The following THSD4 variants were observed in gnomAD, a reference collection of about 807,000 sequenced individuals.
The protein encoded by THSD4 is thrombospondin type 1 domain containing 4, also known as thrombospondin type-1 domain-containing protein 4.
THSD4 carries 69 observed loss-of-function variants against 119.0 expected under a neutral mutation model. That is an observed-to-expected ratio of 0.58 (90% CI 0.48 to 0.71). The LOEUF (loss-of-function observed/expected upper bound fraction) is 0.71, where lower values mean the gene tolerates loss of function less well. Ranked by LOEUF, THSD4 falls within the 30% of genes least tolerant of loss-of-function variation. The probability of loss-of-function intolerance (pLI) is 0.00; values close to 1 mark genes in which losing one functional copy is unlikely to be tolerated. For synonymous variants in THSD4, 524 were observed against 540.4 expected (o/e 0.97, Z 0.42); for missense variants, 1,393 against 1,391.1 (o/e 1.00, Z -0.02).
At chr15:71,174,344 A>T (rs1277609872) in intron 3 of THSD4, among the ~76,000 whole-genome samples, 2 of 151,834 alleles carry the variant, frequency 1.3e-5, no homozygotes, top group African/African-American at 4.8e-5. Context: ...GGGGTCAGGG[A>T]GTTCCCTTTC....
chr15:71,384,162 G>A (rs888447003), intron 6 of THSD4, among the ~76,000 whole-genome samples: 10 of 152,156 alleles, frequency 6.6e-5, no homozygotes, highest in Non-Finnish European at 1.3e-4. Context: ...GGCGGATCAC[G>A]ATGTCAGGAG....
At chr15:71,435,518 C>G (rs1301230151) in intron 7 of THSD4, among the ~76,000 whole-genome samples, 1 of 152,174 alleles carries the variant, frequency 6.6e-6, no homozygotes, top group East Asian at 1.9e-4. Context: ...ATAAGTGACT[C>G]AAGCCAAAAA....
intron 7 of THSD4, among the ~76,000 whole-genome samples, chr15:71,481,500 A>G (rs771003337): frequency 6.6e-6 from 1 of 152,234 alleles, no homozygotes; most frequent in African/African-American, 2.4e-5. Context: ...GAATTCCAGC[A>G]GGCAGTGGTA....
At chr15:71,438,890 C>T (rs1209584731) in intron 7 of THSD4, among the ~76,000 whole-genome samples, 1 of 152,172 alleles carries the variant, frequency 6.6e-6, no homozygotes, top group African/African-American at 2.4e-5. Context: ...CTTAACAAGA[C>T]TTCCTGTTTA....
intron 6 of THSD4, among the ~76,000 whole-genome samples, chr15:71,305,066 G>A (rs1217543347): frequency 6.6e-6 from 1 of 152,194 alleles, no homozygotes; most frequent in African/African-American, 2.4e-5. Flanking sequence ...TGAAAAGTGG[G>A]TACGTTTTCT....
chr15:71,520,027 A>T lies in THSD4; in HGVS notation c.1152+108204A>T, dbSNP rs369873298. On this transcript the variant is annotated intron_variant, in intron 7 of 17. Transcript: ENST00000261862. ...ATTGAACATGTACTGTCTGTCTAGC[A>T]GGATTCTAAGTGCTTTTCCTGCAAT... Among the ~76,000 whole-genome samples the T allele has an allele frequency of 5.3e-5, 8 of 152,222 alleles. No homozygotes were observed. In the East Asian group the frequency reaches 9.6e-4, roughly 18 times the overall value.
intron 7 of THSD4, chr15:71,549,468 A>G (rs1320272169): frequency 6.6e-6 from 1 of 152,220 alleles, no homozygotes; most frequent in African/African-American, 2.4e-5. Flanking sequence ...TGGAAATGAA[A>G]TGATGAGGAA....
intron 3 of THSD4, among the ~76,000 whole-genome samples, chr15:71,174,207 G>T (rs1254681141): frequency 6.6e-6 from 1 of 152,158 alleles, no homozygotes. Context: ...CGCAGAAGAC[G>T]GGTGATTTCT....
chr15:71,679,058 T>C (rs565591421), intron 8 of THSD4, among the ~76,000 whole-genome samples: 1 of 152,326 alleles, frequency 6.6e-6, no homozygotes, highest in East Asian at 1.9e-4. Flanking sequence ...TGCAAGATAA[T>C]TAAACATTTC....
intron 7 of THSD4, among the ~76,000 whole-genome samples, chr15:71,516,022 G>A (rs1204051559): frequency 6.6e-6 from 1 of 152,070 alleles, no homozygotes; most frequent in African/African-American, 2.4e-5. Flanking sequence ...ACTTATCCTG[G>A]GCATGCCAAG....
chr15:71,656,310 G>C (rs190172753), intron 7 of THSD4, among the ~76,000 whole-genome samples: 1 of 152,008 alleles, frequency 6.6e-6, no homozygotes, highest in African/African-American at 2.4e-5. Flanking sequence ...GGAAAGCTGG[G>C]TGAAAGACCA....
chr15:71,446,933 G>C (rs1421129879), intron 7 of THSD4, among the ~76,000 whole-genome samples: 1 of 152,052 alleles, frequency 6.6e-6, no homozygotes, highest in Non-Finnish European at 1.5e-5. Context: ...AGTGAAAACT[G>C]AGTCTCATGC....
intron 6 of THSD4, among the ~76,000 whole-genome samples, chr15:71,261,050 C>A (rs903361007): frequency 8.5e-5 from 13 of 152,134 alleles, no homozygotes; most frequent in African/African-American, 3.1e-4. Flanking sequence ...TGCGGTGAGC[C>A]GAGATGGCAC....
chr15:71,653,377 G>A (rs2051129937), intron 7 of THSD4, among the ~76,000 whole-genome samples: 1 of 152,206 alleles, frequency 6.6e-6, no homozygotes, highest in Non-Finnish European at 1.5e-5. Flanking sequence ...GCTCCTCGGT[G>A]TCCCATGAGC....
rs67271025 is a variant in THSD4 at position 71,591,005 on chromosome 15, C to CAA, written c.1153-69494_1153-69493dup. 3.6e-3 allele frequency among the ~76,000 whole-genome samples: 206 copies of CAA among 57,508 alleles called. 7 individuals are homozygous for CAA. Among genetic ancestry groups the CAA allele is most frequent in the African/African-American group, 0.011 (156 of 14,658 alleles). The allele number at this position is 57,508 out of a possible 152,430, so 37.7% of individuals were successfully genotyped here. On this transcript the variant is annotated intron_variant, in intron 7 of 17. Coordinates refer to ENST00000261862, the MANE Select transcript of THSD4 (RefSeq NM_024817.3). ...TGGGCGACAGAGCAAGACTCCATCT[C>CAA]AAAAAAAAAAAAAAAAAAAAAAAAA...
At chr15:71,620,378 A>G (rs1263534413) in intron 7 of THSD4, among the ~76,000 whole-genome samples, 1 of 152,080 alleles carries the variant, frequency 6.6e-6, no homozygotes, top group Non-Finnish European at 1.5e-5. Flanking sequence ...GGATTGCTTG[A>G]GACTAGGAGT....
chr15:71,442,658 G>GTGTATGTATGTA (rs1347437312), intron 7 of THSD4, among the ~76,000 whole-genome samples: 26 of 31,322 alleles, frequency 8.3e-4, no homozygotes, highest in Non-Finnish European at 1.6e-3. Flanking sequence ...GTGTGTGTGT[G>GTGTATGTATGTA]TGTATATATA....
At chr15:71,138,770 A>G (rs1011962639) in intron 1 of THSD4, among the ~76,000 whole-genome samples, 3 of 151,944 alleles carry the variant, frequency 2.0e-5, no homozygotes, top group Admixed American at 6.6e-5. Flanking sequence ...TTGGACTTTC[A>G]TGGCTCTTAA....
rs142837373 is a variant in THSD4 at position 71,764,921 on chromosome 15, T to C, written c.2590-99T>C. 3.2e-5 allele frequency: 46 copies of C among 1,418,520 alleles called. No individual in the cohort carries two copies. In the East Asian group the frequency reaches 1.0e-3, roughly 32 times the overall value. 87.9% of individuals were successfully genotyped at this position (1,418,520 alleles called of 1,614,324 possible). On this transcript the variant is annotated intron_variant, in intron 15 of 17. Transcript: ENST00000261862. Reference sequence around the variant, plus strand: ...GGGTTCTTCCTCCTAGAATTGGTGGTAGAATTGACGGTGCCCGTCATAAGC... The same window carrying C: ...GGGTTCTTCCTCCTAGAATTGGTGGCAGAATTGACGGTGCCCGTCATAAGC...
Sources: gnomAD v4.1 joint callset for allele counts (sites outside exome capture counted in the v4.1 genomes callset) on GRCh38, gnomAD v4.1.1 for gene constraint, MANE v1.5 for transcripts, NCBI Gene and HGNC (gene_info 2026-07-23, HGNC 2026-07-21) for gene names.